Variants in THAP4 observed in about 807,000 individuals in gnomAD.
THAP4 encodes the protein peroxynitrite isomerase THAP4.
In THAP4, 18 loss-of-function variants were observed where a neutral mutation model predicts 48.1. That is an observed-to-expected ratio of 0.37 (90% CI 0.26 to 0.56). The LOEUF (loss-of-function observed/expected upper bound fraction) is 0.56, where lower values mean the gene tolerates loss of function less well. Ranked by LOEUF, THAP4 falls within the 20% of genes least tolerant of loss-of-function variation. The pLI, the probability that THAP4 is intolerant of heterozygous loss-of-function variation, is 0.78. For synonymous variants in THAP4, 345 were observed against 324.9 expected (o/e 1.06, Z -0.66); for missense variants, 656 against 774.9 (o/e 0.85, Z 1.82).
At chr2:241,625,656 G>A (rs1277704239) in intron 2 of THAP4, among the ~76,000 whole-genome samples, 1 of 150,924 alleles carries the variant, frequency 6.6e-6, no homozygotes, top group Admixed American at 6.6e-5. Flanking sequence ...AAATTAGCCG[G>A]GCGTCATGGC....
chr2:241,612,229 A>C lies in THAP4; in HGVS notation c.1241-5756T>G, dbSNP rs2067286043. 6.6e-6 allele frequency among the ~76,000 whole-genome samples: 1 copy of C among 152,214 alleles called. No homozygotes were observed. The highest frequency in any genetic ancestry group is 1.5e-5 in the Non-Finnish European group (1 of 68,050). ...GGGAGAAACAAACACCGGGAAACAC[A>C]GCGGAACACAGAGGACAGAAATGAG... On this transcript the variant is annotated intron_variant, in intron 2 of 5. Transcript: ENST00000407315. The surrounding 1 kb of genome is among the most constrained non-coding windows in gnomAD (Gnocchi z 4.1).
chr2:241,606,351 G>A lies in THAP4; in HGVS notation c.1363C>T (p.His455Tyr). Residue 455 changes from histidine (H) to tyrosine (Y), a missense_variant, in exon 3 of 6, where the codon CAC (histidine) becomes TAC (tyrosine). This residue lies in a region of THAP4 where 176 missense variants were observed against 256.7 expected (regional missense o/e 0.69). Transcript: ENST00000407315. ...ATGGGCTGGCCCACGTGGGAGATGT[G>A]AACCTCCTCCAGGTACTGGAAGGGC... ...LQPFQYLEEVHISHVGQPMLN... is the reference protein window; with the variant it reads ...LQPFQYLEEVYISHVGQPMLN... The A allele has an allele frequency of 6.4e-7, 1 of 1,570,972 alleles. No individual in the cohort carries two copies. Among genetic ancestry groups the A allele is most frequent in the Non-Finnish European group, 8.6e-7 (1 of 1,157,772 alleles).
In THAP4 at chr2:241,630,779, C is replaced by CAA. The variant is rs1171134229; in HGVS notation, c.1240+2136_1240+2137dup. Among the ~76,000 whole-genome samples, 61 of 61,224 alleles carry CAA rather than the reference C, an allele frequency of 1.0e-3. 1 individual carries two copies. The East Asian group carries it at 0.016, about 17-fold the overall frequency. 40.2% of individuals were successfully genotyped at this position (61,224 alleles called of 152,430 possible). ...GGGCAACAAGAGCAAAACTCCGTCT[C>CAA]AAAAAAAAAAAAAAAAAATTCCGAG... On this transcript the variant is annotated intron_variant, in intron 2 of 5. Transcript: ENST00000407315.
At chr2:241,605,839 TCTCGAGTAG>T (rs991987758) in intron 3 of THAP4, among the ~76,000 whole-genome samples, 1 of 151,976 alleles carries the variant, frequency 6.6e-6, no homozygotes, top group African/African-American at 2.4e-5. Flanking sequence ...CACCTCAGTT[TCTCGAGTAG>T]CTGGGACTAC....
At chr2:241,621,135 G>A (rs940170133) in intron 2 of THAP4, among the ~76,000 whole-genome samples, 4 of 152,242 alleles carry the variant, frequency 2.6e-5, no homozygotes, top group African/African-American at 9.6e-5. Context: ...ATCACTTGAG[G>A]TCAGGAGTTC....
intron 2 of THAP4, among the ~76,000 whole-genome samples, chr2:241,628,925 C>CAAAAAAAAAAAAAAAAAAAAAAAAAAAA (rs34034619): frequency 1.6e-5 from 1 of 64,348 alleles, no homozygotes; most frequent in Non-Finnish European, 2.9e-5. Context: ...GAGATTGTCT[C>CAAAAAAAAAAAAAAAAAAAAAAAAAAAA]AAAAAAAAAA....
At chr2:241,600,610 C>T (rs1215417170) in intron 5 of THAP4, among the ~76,000 whole-genome samples, 1 of 151,618 alleles carries the variant, frequency 6.6e-6, no homozygotes, top group Admixed American at 6.6e-5. Context: ...CACCTGTAGT[C>T]CCAGCTACTC....
intron 1 of THAP4, among the ~76,000 whole-genome samples, chr2:241,635,724 G>A (rs1010824399): frequency 6.0e-5 from 9 of 150,824 alleles, no homozygotes; most frequent in Non-Finnish European, 1.2e-4. Flanking sequence ...AGCCGAGATC[G>A]CACCAATGCA....
chr2:241,600,111 A>G (rs1215006907), intron 5 of THAP4, among the ~76,000 whole-genome samples: 1 of 151,906 alleles, frequency 6.6e-6, no homozygotes. Context: ...CAGGAGAATC[A>G]CCTGAACCCG....
At position 241,606,452 on chromosome 2, in the gene THAP4, A is replaced by G. The variant is rs1223057914; in HGVS notation, c.1262T>C (p.Val421Ala). 1.1e-5 allele frequency: 17 copies of G among 1,607,398 alleles called. No homozygotes were observed. The highest frequency in any genetic ancestry group is 4.0e-5 in the African/African-American group (3 of 74,936). ...CAGCATCCAGGACAGTGGCTCCACCACTGGGTTCATCTTGGGGGGCTCTGA... is the reference window on the plus strand; with the variant it reads ...CAGCATCCAGGACAGTGGCTCCACCGCTGGGTTCATCTTGGGGGGCTCTGA... ...PSREPPKMNP[V>A]VEPLSWMLGT... The change falls in exon 3 of 6, where the codon GTG becomes GCG. Residue 421 changes from valine (V) to alanine (A), a missense_variant. Val to Ala is a moderately conservative substitution (Grantham distance 64). Around this residue, in one of 4 missense-constraint regions of THAP4, gnomAD observed 176 missense variants for 256.7 expected, o/e 0.69. Coordinates refer to ENST00000407315, the MANE Select transcript of THAP4 (RefSeq NM_015963.6).
intron 5 of THAP4, among the ~76,000 whole-genome samples, chr2:241,591,282 A>C (rs2066976051): frequency 6.6e-6 from 1 of 151,302 alleles, no homozygotes; most frequent in Non-Finnish European, 1.5e-5. Context: ...ACAGTGGCAG[A>C]AACCAGGCCG....
intron 2 of THAP4, among the ~76,000 whole-genome samples, chr2:241,614,258 G>A (rs1018062048): frequency 6.6e-6 from 1 of 152,038 alleles, no homozygotes; most frequent in South Asian, 2.1e-4. Context: ...AATTCAGAGA[G>A]AGAGTCCAGA....
chr2:241,634,234 C>T (rs2067608984), intron 1 of THAP4, among the ~76,000 whole-genome samples, 155 bp from the exon 2 acceptor site: 1 of 152,206 alleles, frequency 6.6e-6, no homozygotes, highest in African/African-American at 2.4e-5. Flanking sequence ...TAAAGAACAT[C>T]TTCTACCTGC....
intron 2 of THAP4, 99 bp from the exon 3 acceptor site, chr2:241,606,572 T>C: frequency 9.3e-6 from 11 of 1,185,054 alleles, no homozygotes; most frequent in Non-Finnish European, 1.3e-5. Context: ...TTGCTTCTGG[T>C]GGCCACAGCT....
In THAP4 at chr2:241,633,337, G is replaced by A. The variant is rs757707885; in HGVS notation, c.820C>T (p.Leu274=). 1 of 1,612,714 alleles carries A rather than the reference G, an allele frequency of 6.2e-7. No homozygotes were observed. Among genetic ancestry groups the A allele is most frequent in the Non-Finnish European group, 8.5e-7 (1 of 1,180,020 alleles). Residue 274 remains leucine, a synonymous_variant, in exon 2 of 6, where the codon CTG becomes TTG. Coordinates refer to ENST00000407315, the MANE Select transcript of THAP4 (RefSeq NM_015963.6). The surrounding 1 kb of genome is among the most constrained non-coding windows in gnomAD (Gnocchi z 7.5). Reference sequence around the variant, plus strand: ...TGGGCCAGGCCCTTGTCGGGTCCCAGGCTGCTCCCACTGCAGCTTGGTTCC... The same window carrying A: ...TGGGCCAGGCCCTTGTCGGGTCCCAAGCTGCTCCCACTGCAGCTTGGTTCC... The part of the protein sequence containing the change: ...DVEPSCSGSS[L]GPDKGLAQSP...
At chr2:241,598,104 A>G (rs1417613578) in intron 5 of THAP4, among the ~76,000 whole-genome samples, 1 of 152,236 alleles carries the variant, frequency 6.6e-6, no homozygotes, top group East Asian at 1.9e-4. Context: ...ATCAAGAGAA[A>G]ACAGTATCTA....
At chr2:241,606,277 T>A in intron 3 of THAP4, 37 bp downstream of exon 3, 1 of 1,513,400 alleles carries the variant, frequency 6.6e-7, no homozygotes, top group Non-Finnish European at 8.9e-7. Context: ...AGGCGGCCCA[T>A]GAGTCAAGCA....
intron 2 of THAP4, among the ~76,000 whole-genome samples, chr2:241,621,925 T>A (rs2067433130): frequency 6.6e-6 from 1 of 151,366 alleles, no homozygotes; most frequent in African/African-American, 2.4e-5. Flanking sequence ...AGCAGACTTG[T>A]CAGAAACCAC....
intron 5 of THAP4, among the ~76,000 whole-genome samples, chr2:241,589,041 G>A (rs765645499): frequency 4.6e-5 from 7 of 151,948 alleles, no homozygotes; most frequent in African/African-American, 1.5e-4. Flanking sequence ...GTGAAACCCC[G>A]TCTTTACTAA....
Sources: allele counts gnomAD v4.1 joint callset (sites outside exome capture counted in the v4.1 genomes callset), GRCh38; gene constraint gnomAD v4.1.1; regional missense constraint gnomAD v4.1.1; non-coding constraint Gnocchi (gnomAD v3.1); transcripts MANE v1.5; gene names NCBI Gene and HGNC (gene_info 2026-07-23, HGNC 2026-07-21).